Variants in STPG2 observed in about 807,000 individuals in gnomAD.
The protein encoded by STPG2 is sperm-tail PG-rich repeat-containing protein 2.
STPG2 carries 56 observed loss-of-function variants against 54.2 expected under a neutral mutation model. That is an observed-to-expected ratio of 1.03 (90% confidence interval 0.83 to 1.29). The LOEUF (loss-of-function observed/expected upper bound fraction) is 1.29, where lower values mean the gene tolerates loss of function less well. Ranked by LOEUF, STPG2 falls within the 50% of genes most tolerant of loss-of-function variation. The pLI is 0.00. For missense variants in STPG2, 596 were observed against 544.9 expected, an observed-to-expected ratio of 1.09 and a Z score of -0.93; for synonymous variants, 200 against 181.8, an observed-to-expected ratio of 1.10 and a Z score of -0.81.
chr4:97,756,217 G>T (rs996993089), intron 9 of STPG2, among the ~76,000 whole-genome samples: 2 of 152,112 alleles, frequency 1.3e-5, no homozygotes, highest in Non-Finnish European at 2.9e-5. Context: ...ATGTTTTGTT[G>T]TTGAGAAACC....
chr4:98,125,966 C>T (rs1026328411), intron 3 of STPG2, among the ~76,000 whole-genome samples: 4 of 152,126 alleles, frequency 2.6e-5, no homozygotes, highest in South Asian at 2.1e-4. Context: ...CCCACTGTGC[C>T]GTGGTGTGGG....
chr4:98,084,943 A>T (rs1738461905), intron 5 of STPG2, among the ~76,000 whole-genome samples: 1 of 152,094 alleles, frequency 6.6e-6, no homozygotes, highest in African/African-American at 2.4e-5. Flanking sequence ...GAGCATAAGT[A>T]TTTAATTTTG....
intron 5 of STPG2, among the ~76,000 whole-genome samples, chr4:97,991,311 C>CAT (rs910911556): frequency 6.6e-6 from 1 of 150,944 alleles, no homozygotes; most frequent in African/African-American, 2.4e-5. Flanking sequence ...CACACACACA[C>CAT]ATATATATAC....
chr4:97,982,131 G>A (rs996663654), intron 5 of STPG2, among the ~76,000 whole-genome samples: 8 of 151,860 alleles, frequency 5.3e-5, no homozygotes, highest in Non-Finnish European at 7.4e-5. Context: ...TGATTTGCCC[G>A]TCTCAGCCTC....
At chr4:97,457,443 T>C (rs1170069073) in intron 4 of STPG2, among the ~76,000 whole-genome samples, 1 of 152,222 alleles carries the variant, frequency 6.6e-6, no homozygotes, top group East Asian at 1.9e-4. Flanking sequence ...TAACTAGGCA[T>C]AGGCCACCAA....
rs181636865 is a variant in STPG2, at chr4:97,703,257, C to T, written c.1320+9442G>A. On this transcript the variant is annotated intron_variant, in intron 10 of 10. Transcript: ENST00000295268. ...GAATCTTAGCATTTTGGGATCTAATCATATTAAGCAGCCAACTCTAGAACC... is the reference window on the plus strand; with the variant it reads ...GAATCTTAGCATTTTGGGATCTAATTATATTAAGCAGCCAACTCTAGAACC... Among the ~76,000 whole-genome samples the T allele has an allele frequency of 1.6e-4, 25 of 151,542 alleles. 1 individual carries two copies. The highest frequency in any genetic ancestry group is 1.1e-3 in the Admixed American group (17 of 15,098).
At chr4:97,538,916 C>T (rs573625872) in intron 4 of STPG2, among the ~76,000 whole-genome samples, 5 of 152,272 alleles carry the variant, frequency 3.3e-5, no homozygotes, top group Non-Finnish European at 5.9e-5. Flanking sequence ...GAATTTTCAA[C>T]CCAGAATTTC....
At chr4:97,859,807 T>C (rs772986581) in intron 8 of STPG2, among the ~76,000 whole-genome samples, 5 of 152,206 alleles carry the variant, frequency 3.3e-5, no homozygotes, top group Admixed American at 6.6e-5. Flanking sequence ...CCTAAGCCAA[T>C]GCTGAGAAGT....
intron 5 of STPG2, among the ~76,000 whole-genome samples, chr4:98,022,827 G>C: frequency 6.6e-6 from 1 of 152,070 alleles, no homozygotes; most frequent in Non-Finnish European, 1.5e-5. Context: ...TGAGGCTTCT[G>C]CATTCTTCAC....
intron 10 of STPG2, among the ~76,000 whole-genome samples, chr4:97,690,603 C>T (rs1477870314): frequency 6.6e-6 from 1 of 152,178 alleles, no homozygotes; most frequent in East Asian, 1.9e-4. Flanking sequence ...CTCTCCATAA[C>T]ATATTTAGCA....
At chr4:98,140,473 GA>G (rs1456334539) in intron 1 of STPG2, among the ~76,000 whole-genome samples, 1 of 152,042 alleles carries the variant, frequency 6.6e-6, no homozygotes, top group African/African-American at 2.4e-5. Context: ...ATTCAAAATA[GA>G]AATAATGAGA....
chr4:97,909,631 A>G (rs1731601390), intron 8 of STPG2, among the ~76,000 whole-genome samples: 1 of 152,214 alleles, frequency 6.6e-6, no homozygotes. Flanking sequence ...TATTCAACAC[A>G]TGCAAAAATA....
rs999680780 is a variant in STPG2, at chr4:97,703,744, G to A, written c.1320+8955C>T. Among the ~76,000 whole-genome samples the A allele has an allele frequency of 3.3e-3, 466 of 139,996 alleles. 2 individuals carry two copies. The highest frequency in any genetic ancestry group is 4.6e-3 in the Non-Finnish European group (303 of 65,942). 91.8% of individuals were successfully genotyped at this position (139,996 alleles called of 152,430 possible). ...TATTTAGTATATATAATATATTATCGTATATATATAGTATATTAGCATAGT... is the reference window on the plus strand; with the variant it reads ...TATTTAGTATATATAATATATTATCATATATATATAGTATATTAGCATAGT... On this transcript the variant is annotated intron_variant, in intron 10 of 10. Coordinates refer to ENST00000295268, the MANE Select transcript of STPG2 (RefSeq NM_174952.3).
At chr4:97,549,176 A>T (rs983164730) in intron 4 of STPG2, among the ~76,000 whole-genome samples, 1 of 152,198 alleles carries the variant, frequency 6.6e-6, no homozygotes, top group Admixed American at 6.5e-5. Context: ...TATTTAGCCC[A>T]GCTTAATCTC....
chr4:97,686,203 G>A (rs550811029), intron 10 of STPG2, among the ~76,000 whole-genome samples: 2 of 152,066 alleles, frequency 1.3e-5, no homozygotes, highest in Admixed American at 6.6e-5. Flanking sequence ...CTTTCAAGAT[G>A]TATGTCTTCC....
intron 4 of STPG2, among the ~76,000 whole-genome samples, chr4:97,492,319 T>C (rs1730519656): frequency 6.6e-6 from 1 of 151,490 alleles, no homozygotes. Flanking sequence ...CCAGTTTTGA[T>C]CCCAGGAATG....
chr4:97,824,774 T>C (rs973721183), intron 9 of STPG2, among the ~76,000 whole-genome samples: 1 of 152,184 alleles, frequency 6.6e-6, no homozygotes, highest in African/African-American at 2.4e-5. Context: ...CATTGGAAAC[T>C]GCCCAATGCT....
chr4:97,705,873 GAAAC>G (rs897791713), intron 10 of STPG2, among the ~76,000 whole-genome samples: 1 of 151,824 alleles, frequency 6.6e-6, no homozygotes, highest in African/African-American at 2.4e-5. Flanking sequence ...ATATAGCCAT[GAAAC>G]AAAGGTAACA....
chr4:97,737,631 T>C (rs1395825922), intron 9 of STPG2, among the ~76,000 whole-genome samples: 4 of 151,818 alleles, frequency 2.6e-5, no homozygotes, highest in Non-Finnish European at 5.9e-5. Flanking sequence ...ATGAAATGAA[T>C]GAAATGAAGC....
Sources: allele counts gnomAD v4.1 joint callset (sites outside exome capture counted in the v4.1 genomes callset), GRCh38; gene constraint gnomAD v4.1.1; transcripts MANE v1.5; gene names NCBI Gene and HGNC (gene_info 2026-07-23, HGNC 2026-07-21).